SLC39A11: variants seen among roughly 807,000 people sequenced by gnomAD.
The protein encoded by SLC39A11 is zinc transporter ZIP11.
A neutral mutation model predicts 36.1 loss-of-function variants in SLC39A11; 33 were observed. That is an observed-to-expected ratio of 0.91 (90% CI 0.69 to 1.22). The LOEUF is 1.22. Among genes scored for constraint, SLC39A11 ranks in the 50% most tolerant of loss-of-function variants. The pLI is 0.00. For missense variants in SLC39A11, 432 were observed against 430.3 expected, an observed-to-expected ratio of 1.00 and a Z score of -0.03; for synonymous variants, 166 against 170.3, an observed-to-expected ratio of 0.97 and a Z score of 0.20.
Position 72,861,715 on chromosome 17 carries a change from G to GAT in SLC39A11, c.431-11913_431-11912dup, listed in dbSNP as rs1158487163. Among the ~76,000 whole-genome samples, 7 of 52,072 alleles carry GAT rather than the reference G, an allele frequency of 1.3e-4. No individual in the cohort carries two copies. In the South Asian group the frequency reaches 1.9e-3, roughly 14 times the overall value. The allele number at this position is 52,072 out of a possible 152,430, so 34.2% of individuals were successfully genotyped here. On this transcript the variant is annotated intron_variant, in intron 5 of 9. Transcript: ENST00000255559. ...AAATATATATATTGGATATATATAG[G>GAT]ATATATATATACACACATTGGAGAT...
intron 6 of SLC39A11, among the ~76,000 whole-genome samples, chr17:72,780,437 G>A (rs1324937489): frequency 4.0e-5 from 6 of 149,772 alleles, no homozygotes; most frequent in Non-Finnish European, 8.9e-5. Flanking sequence ...GCTGATAGTC[G>A]GGATGAAAGA....
chr17:72,904,268 C>A (rs566357384), intron 5 of SLC39A11, among the ~76,000 whole-genome samples: 15 of 152,186 alleles, frequency 9.9e-5, no homozygotes, highest in Non-Finnish European at 1.9e-4. Context: ...CAGTGAGACT[C>A]TATCTCTAAA....
intron 6 of SLC39A11, among the ~76,000 whole-genome samples, chr17:72,812,945 C>T (rs1027304326): frequency 6.6e-6 from 1 of 152,192 alleles, no homozygotes; most frequent in African/African-American, 2.4e-5. Flanking sequence ...AGCTCCTCCC[C>T]GCCCCTTAGT....
At chr17:72,836,294 G>A (rs919618049) in intron 6 of SLC39A11, among the ~76,000 whole-genome samples, 5 of 152,026 alleles carry the variant, frequency 3.3e-5, no homozygotes, top group Non-Finnish European at 7.4e-5. Flanking sequence ...CACAACACAC[G>A]GAGACAGAGT....
intron 6 of SLC39A11, among the ~76,000 whole-genome samples, chr17:72,740,002 AAC>A (rs1179483894): frequency 6.6e-6 from 1 of 151,194 alleles, no homozygotes; most frequent in African/African-American, 2.4e-5. Context: ...TAAGCTAGAT[AAC>A]ACTTCTTATA....
intron 3 of SLC39A11, among the ~76,000 whole-genome samples, chr17:73,077,298 C>T (rs903493824): frequency 6.6e-6 from 1 of 152,156 alleles, no homozygotes; most frequent in Non-Finnish European, 1.5e-5. Flanking sequence ...TGTGCAACTA[C>T]CTCATATTCA....
chr17:72,679,491 C>A (rs1348348011), intron 7 of SLC39A11, among the ~76,000 whole-genome samples: 2 of 152,194 alleles, frequency 1.3e-5, no homozygotes, highest in African/African-American at 4.8e-5. Context: ...CACTAACCCC[C>A]CAGGGAACCT....
chr17:73,031,662 G>A lies in SLC39A11; in HGVS notation c.200C>T (p.Ala67Val). The part of the protein sequence containing the change: ...WSLLAPAVEM[A>V]TSSGGFGAFA... ...GGCACCGAAGCCCCCAGAGGACGTG[G>A]CCATCTCAACTGCTGGGGCCAGAAG... The change falls in exon 4 of 10, where the codon GCC (alanine) becomes GTC (valine). Residue 67 changes from alanine (A) to valine (V), a missense_variant. Coordinates refer to ENST00000255559, the MANE Select transcript of SLC39A11 (RefSeq NM_139177.4). 6.2e-7 allele frequency: 1 copy of A among 1,614,132 alleles called. No individual in the cohort carries two copies. The highest frequency in any genetic ancestry group is 1.1e-5 in the South Asian group (1 of 91,072).
intron 3 of SLC39A11, among the ~76,000 whole-genome samples, chr17:73,078,510 A>G (rs1308500201): frequency 1.4e-5 from 2 of 147,994 alleles, no homozygotes; most frequent in Non-Finnish European, 3.0e-5. Flanking sequence ...TTTTTTTGAG[A>G]CGGTCTCACT....
At chr17:72,698,325 G>A (rs994511088) in intron 7 of SLC39A11, among the ~76,000 whole-genome samples, 3 of 152,112 alleles carry the variant, frequency 2.0e-5, no homozygotes, top group Admixed American at 6.6e-5. Flanking sequence ...CTCCAAAACC[G>A]TTTATTGCAT....
intron 3 of SLC39A11, among the ~76,000 whole-genome samples, chr17:73,036,523 T>C (rs1165092278): frequency 1.3e-5 from 2 of 152,290 alleles, no homozygotes; most frequent in East Asian, 1.9e-4. Flanking sequence ...CTCAGCTCAC[T>C]GCAACCGCTG....
chr17:72,964,621 G>A (rs968969960), intron 4 of SLC39A11, among the ~76,000 whole-genome samples: 1 of 152,180 alleles, frequency 6.6e-6, no homozygotes, highest in African/African-American at 2.4e-5. Context: ...GAGATACTTG[G>A]CCATTAGTAT....
intron 7 of SLC39A11, among the ~76,000 whole-genome samples, chr17:72,657,740 G>C (rs1321478119): frequency 2.0e-5 from 3 of 152,218 alleles, no homozygotes; most frequent in African/African-American, 7.2e-5. Flanking sequence ...GCAGAGGCAA[G>C]CTAGGGTAAG....
chr17:72,802,051 C>A (rs1023360683), intron 6 of SLC39A11, among the ~76,000 whole-genome samples: 1 of 152,148 alleles, frequency 6.6e-6, no homozygotes, highest in African/African-American at 2.4e-5. Flanking sequence ...CCCTGGCCTA[C>A]AGAAGGTTCG....
At chr17:72,789,329 C>A (rs2145037451) in intron 6 of SLC39A11, among the ~76,000 whole-genome samples, 1 of 152,250 alleles carries the variant, frequency 6.6e-6, no homozygotes, top group African/African-American at 2.4e-5. Flanking sequence ...TACCCTGTGG[C>A]CAAACAATCT....
At chr17:72,902,153 C>T (rs552168221) in intron 5 of SLC39A11, among the ~76,000 whole-genome samples, 18 of 152,234 alleles carry the variant, frequency 1.2e-4, no homozygotes, top group Middle Eastern at 3.4e-3. Context: ...CGCCTGTAAT[C>T]CCAGCTACTC....
At chr17:73,004,182 A>G (rs1203512876) in intron 4 of SLC39A11, among the ~76,000 whole-genome samples, 20 of 86,230 alleles carry the variant, frequency 2.3e-4, no homozygotes, top group Admixed American at 7.6e-4. Flanking sequence ...AAAGAAAGAA[A>G]GAAAGAAAGA....
intron 4 of SLC39A11, among the ~76,000 whole-genome samples, chr17:72,962,833 G>C (rs1017271397): frequency 2.2e-4 from 34 of 152,136 alleles, no homozygotes; most frequent in African/African-American, 8.2e-4. Flanking sequence ...CATCGGGCCC[G>C]GCCAGCCCTT....
chr17:72,660,086 T>G (rs2070341092), intron 7 of SLC39A11, among the ~76,000 whole-genome samples: 1 of 152,126 alleles, frequency 6.6e-6, no homozygotes. Flanking sequence ...TCCCTTGAAA[T>G]TCATTTATTA....
Sources: gnomAD v4.1 joint callset for allele counts (sites outside exome capture counted in the v4.1 genomes callset) on GRCh38, gnomAD v4.1.1 for gene constraint, MANE v1.5 for transcripts, NCBI Gene and HGNC (gene_info 2026-07-23, HGNC 2026-07-21) for gene names.